TRDN: variants seen among roughly 807,000 people sequenced by gnomAD.
TRDN encodes the protein triadin.
TRDN carries 161 observed loss-of-function variants against 149.7 expected under a neutral mutation model. The observed-to-expected ratio is 1.08, with a 90% CI of 0.95 to 1.23. TRDN has a LOEUF of 1.23. Among genes scored for constraint, TRDN ranks in the 50% most tolerant of loss-of-function variants. The pLI is 0.00. For synonymous variants in TRDN, 294 were observed against 250.5 expected, an observed-to-expected ratio of 1.17 and a Z score of -1.64; for missense variants, 896 against 823.5, an observed-to-expected ratio of 1.09 and a Z score of -1.08.
At chr6:123,556,124 G>T (rs1454347574) in intron 2 of TRDN, among the ~76,000 whole-genome samples, 1 of 152,096 alleles carries the variant, frequency 6.6e-6, no homozygotes, top group Non-Finnish European at 1.5e-5. Context: ...GCACCTTTCA[G>T]ATGCTTTTGT....
intron 34 of TRDN, among the ~76,000 whole-genome samples, chr6:123,259,922 ACTT>A (rs1161029576): frequency 6.8e-6 from 1 of 146,562 alleles, no homozygotes; most frequent in African/African-American, 2.5e-5. Flanking sequence ...TCCTCCTCCT[ACTT>A]CTTTTTTTCC....
chr6:123,308,844 C>G (rs950168837), intron 24 of TRDN, among the ~76,000 whole-genome samples: 6 of 151,908 alleles, frequency 3.9e-5, no homozygotes, highest in African/African-American at 1.5e-4. Context: ...TACTCACAGG[C>G]CTGAAGGAAT....
chr6:123,581,363 CTT>C (rs1335910286), intron 1 of TRDN, among the ~76,000 whole-genome samples: 1 of 151,972 alleles, frequency 6.6e-6, no homozygotes, highest in South Asian at 2.1e-4. Flanking sequence ...ATTATTCTGA[CTT>C]TTTTTATAGA....
rs568556546 is a variant in TRDN at position 123,327,620 on chromosome 6, A to G, written c.1471+4259T>C. Among the ~76,000 whole-genome samples the G allele has an allele frequency of 9.2e-5, 14 of 152,204 alleles. No individual in the cohort carries two copies. In the East Asian group the frequency reaches 2.7e-3, roughly 29 times the overall value. ...TGAATAGGGTACCCTGAACGAATAA[A>G]TTTTTGAATTATTCATCACTTATGT... On this transcript the variant is annotated intron_variant, in intron 23 of 40. Coordinates refer to ENST00000334268, the MANE Select transcript of TRDN (RefSeq NM_006073.4).
chr6:123,606,132 A>G (rs1268100237), intron 1 of TRDN, among the ~76,000 whole-genome samples: 2 of 152,200 alleles, frequency 1.3e-5, no homozygotes, highest in Non-Finnish European at 2.9e-5. Flanking sequence ...TGAAATTATA[A>G]AGAACAAAAT....
Position 123,530,549 on chromosome 6 carries a change from C to A in TRDN, c.441G>T (p.Lys147Asn). 8.0e-7 allele frequency: 1 copy of A among 1,254,242 alleles called. No individual in the cohort carries two copies. The highest frequency in any genetic ancestry group is 1.6e-5 in the South Asian group (1 of 63,316). The allele number at this position is 1,254,242 out of a possible 1,614,324, so 77.7% of individuals were successfully genotyped here. Reference protein sequence around the residue: ...PLRKKEIHKDKTEKQEKPERK... With the variant: ...PLRKKEIHKDNTEKQEKPERK... The stretch of plus-strand genomic sequence containing the variant: ...TTTCAGGTTTCTCTTGTTTTTCAGT[C>A]TTATCTTTGTGTATTTCTAAGAAAA... The change falls in exon 5 of 41, where the codon AAG becomes AAT. Residue 147 changes from lysine to asparagine, a missense_variant. By Grantham distance (94) the Lys-to-Asn change is moderately conservative. Transcript: ENST00000334268.
chr6:123,431,644 T>A (rs1562309773), intron 12 of TRDN, among the ~76,000 whole-genome samples: 1 of 152,158 alleles, frequency 6.6e-6, no homozygotes, highest in Non-Finnish European at 1.5e-5. Context: ...TGGAAGGATG[T>A]TCTTTTAAAC....
At chr6:123,383,950 C>T (rs1208281943) in intron 14 of TRDN, among the ~76,000 whole-genome samples, 1 of 152,104 alleles carries the variant, frequency 6.6e-6, no homozygotes, top group African/African-American at 2.4e-5. Flanking sequence ...GTGTCCAGCA[C>T]ACTACAATGA....
intron 23 of TRDN, among the ~76,000 whole-genome samples, chr6:123,328,386 C>T (rs967493949): frequency 3.3e-5 from 5 of 152,224 alleles, no homozygotes; most frequent in Admixed American, 3.3e-4. Flanking sequence ...AACACCAACA[C>T]CACCTGCAAA....
intron 24 of TRDN, among the ~76,000 whole-genome samples, chr6:123,284,900 G>T (rs925366627): frequency 2.0e-5 from 3 of 151,880 alleles, no homozygotes; most frequent in Admixed American, 1.3e-4. Context: ...TCAAGAACTT[G>T]ACCTCTTTTA....
chr6:123,553,536 T>G (rs1781501760), intron 2 of TRDN, among the ~76,000 whole-genome samples: 2 of 152,046 alleles, frequency 1.3e-5, no homozygotes, highest in African/African-American at 4.8e-5. Flanking sequence ...AACTTTTTGG[T>G]GTAAAGCATG....
intron 35 of TRDN, among the ~76,000 whole-genome samples, chr6:123,257,756 C>T (rs1776614538): frequency 1.3e-5 from 2 of 152,248 alleles, no homozygotes; most frequent in Admixed American, 6.5e-5. Flanking sequence ...ATTGATTCTT[C>T]CTGTCCATGA....
At chr6:123,437,794 C>A (rs1172839409) in intron 12 of TRDN, among the ~76,000 whole-genome samples, 1 of 152,114 alleles carries the variant, frequency 6.6e-6, no homozygotes, top group African/African-American at 2.4e-5. Flanking sequence ...TCCTGTGATT[C>A]CCCATACCAG....
intron 1 of TRDN, among the ~76,000 whole-genome samples, chr6:123,586,011 G>GACGGC (rs1427331004): frequency 1.3e-5 from 2 of 152,106 alleles, no homozygotes; most frequent in East Asian, 3.8e-4. Context: ...TTGAGAATAA[G>GACGGC]ACGGCCTTTT....
chr6:123,455,920 T>C (rs1047883866), intron 10 of TRDN, among the ~76,000 whole-genome samples: 13 of 152,180 alleles, frequency 8.5e-5, no homozygotes, highest in African/African-American at 2.7e-4. Flanking sequence ...TTTCATTACA[T>C]TTAAAATGTC....
intron 32 of TRDN, 44 bp from the exon 33 acceptor site, chr6:123,265,382 T>C (rs1411373503): frequency 7.7e-7 from 1 of 1,300,394 alleles, no homozygotes; most frequent in East Asian, 2.7e-5. Flanking sequence ...GTGATAATTT[T>C]CTATCTATGG....
chr6:123,427,284 T>C (rs1267371032), intron 12 of TRDN, among the ~76,000 whole-genome samples: 1 of 151,774 alleles, frequency 6.6e-6, no homozygotes, highest in Non-Finnish European at 1.5e-5. Context: ...CCTTTTGTTT[T>C]TTTTTTTTAA....
intron 12 of TRDN, among the ~76,000 whole-genome samples, chr6:123,421,803 T>TAAAAAAA (rs1773914424): frequency 3.4e-5 from 1 of 29,518 alleles, no homozygotes; most frequent in Non-Finnish European, 6.6e-5. Flanking sequence ...ACCCTTTCTC[T>TAAAAAAA]ACAAAAAAAA....
At chr6:123,281,790 G>A (rs369494969) in intron 24 of TRDN, among the ~76,000 whole-genome samples, 5 of 151,980 alleles carry the variant, frequency 3.3e-5, no homozygotes, top group African/African-American at 4.8e-5. Flanking sequence ...TTTGGTTTCC[G>A]AGTTAGTTGT....
Sources: gnomAD v4.1 joint callset for allele counts (sites outside exome capture counted in the v4.1 genomes callset) on GRCh38, gnomAD v4.1.1 for gene constraint, MANE v1.5 for transcripts, NCBI Gene and HGNC (gene_info 2026-07-23, HGNC 2026-07-21) for gene names.